Variants in CAMK1D observed in about 807,000 individuals in gnomAD.
CAMK1D encodes the protein calcium/calmodulin-dependent protein kinase type 1D.
In CAMK1D, 9 loss-of-function variants were observed where a neutral mutation model predicts 47.7. The observed-to-expected ratio is 0.19, with a 90% CI of 0.11 to 0.33. The LOEUF (loss-of-function observed/expected upper bound fraction) is 0.33. Among genes scored for constraint, CAMK1D ranks in the 10% least tolerant of loss-of-function variants. The pLI, the probability that CAMK1D is intolerant of heterozygous loss-of-function variation, is 1.00. For synonymous variants in CAMK1D, 184 were observed against 184.9 expected, an observed-to-expected ratio of 0.99 and a Z score of 0.04; for missense variants, 291 against 488.7, an observed-to-expected ratio of 0.60 and a Z score of 3.81.
intron 1 of CAMK1D, among the ~76,000 whole-genome samples, chr10:12,350,959 A>T (rs542498278): frequency 1.3e-5 from 2 of 152,194 alleles, no homozygotes; most frequent in South Asian, 2.1e-4. Flanking sequence ...TCATGGGATA[A>T]ATCAGTGCGT....
At chr10:12,673,219 CT>C (rs1235100484) in intron 3 of CAMK1D, among the ~76,000 whole-genome samples, 2 of 130,230 alleles carry the variant, frequency 1.5e-5, no homozygotes, top group Non-Finnish European at 3.5e-5. Context: ...TTTGTTTGAG[CT>C]TACGTTGAAT....
At chr10:12,376,298 C>G (rs1331713073) in intron 1 of CAMK1D, among the ~76,000 whole-genome samples, 1 of 151,702 alleles carries the variant, frequency 6.6e-6, no homozygotes, top group Admixed American at 6.6e-5. Context: ...GGCTTAAGTA[C>G]TGTTTGACAG....
chr10:12,531,436 C>T (rs183355517), intron 1 of CAMK1D, among the ~76,000 whole-genome samples: 143 of 152,268 alleles, frequency 9.4e-4, no homozygotes, highest in African/African-American at 3.4e-3. Flanking sequence ...AGTGCCTGGA[C>T]CTTACTGTGT....
rs761430929 is a variant in CAMK1D, at chr10:12,830,957, ACACACAC to A, written c.*2071_*2077del. 8.7e-5 allele frequency: 13 copies of A among 148,866 alleles called. No individual in the cohort carries two copies. Among genetic ancestry groups the A allele is most frequent in the South Asian group, 2.1e-4 (1 of 4,790 alleles). 9.2% of individuals were successfully genotyped at this position (148,866 alleles called of 1,614,324 possible). A position where few individuals can be genotyped will look rare whatever the true frequency, so the allele number is the denominator to read the frequency against. Reference sequence around the variant, plus strand: ...CACACACACACACACACACACACACACACACACAATGTTATTAGGCACAGCAGCTCCA... The same window carrying A: ...CACACACACACACACACACACACACAAATGTTATTAGGCACAGCAGCTCCA... On this transcript the variant is annotated 3_prime_UTR_variant, in exon 11 of 11. Transcript: ENST00000619168.
intron 1 of CAMK1D, among the ~76,000 whole-genome samples, chr10:12,521,319 G>C (rs547887096): frequency 1.3e-5 from 2 of 152,182 alleles, no homozygotes; most frequent in Admixed American, 1.3e-4. Flanking sequence ...TTTTATTTCA[G>C]TTAATTCAAG....
chr10:12,643,133 CT>C (rs1839712372), intron 2 of CAMK1D, among the ~76,000 whole-genome samples: 1 of 152,084 alleles, frequency 6.6e-6, no homozygotes, highest in Non-Finnish European at 1.5e-5. Context: ...GCCTGAGTAG[CT>C]GGAATTACAG....
rs865837539 is a variant in CAMK1D at position 12,628,097 on chromosome 10, C to A, written c.225-38639C>A. Among the ~76,000 whole-genome samples the A allele has an allele frequency of 4.1e-3, 598 of 144,284 alleles. 1 individual carries two copies. The highest frequency in any genetic ancestry group is 0.025 in the Middle Eastern group (7 of 276). The allele number at this position is 144,284 out of a possible 152,430, so 94.7% of individuals were successfully genotyped here. The stretch of plus-strand genomic sequence containing the variant: ...CTCTGTCTCAAAAAAAAACAAAAAA[C>A]AAAAAACAAAACAAAACTGAGTTTT... On this transcript the variant is annotated intron_variant, in intron 2 of 10. Coordinates refer to ENST00000619168, the MANE Select transcript of CAMK1D (RefSeq NM_153498.4).
intron 6 of CAMK1D, among the ~76,000 whole-genome samples, chr10:12,810,381 T>G (rs562479075): frequency 3.3e-5 from 5 of 151,184 alleles, no homozygotes; most frequent in Admixed American, 2.0e-4. Flanking sequence ...TTCAAGCAAT[T>G]CTCCTGCCTA....
chr10:12,387,063 G>T (rs1838518351), intron 1 of CAMK1D, among the ~76,000 whole-genome samples: 1 of 151,454 alleles, frequency 6.6e-6, no homozygotes, highest in South Asian at 2.1e-4. Context: ...AATTAGCCAG[G>T]TGTGATGGCG....
intron 1 of CAMK1D, among the ~76,000 whole-genome samples, chr10:12,416,589 G>A (rs1839857248): frequency 6.6e-6 from 1 of 152,202 alleles, no homozygotes. Context: ...TCCCACAGTT[G>A]TGCCCTGGGG....
chr10:12,500,976 G>A (rs11257833), intron 1 of CAMK1D, among the ~76,000 whole-genome samples: 9,019 of 152,210 alleles, frequency 0.059, 642 homozygotes, highest in African/African-American at 0.17. Context: ...TACAGATGAG[G>A]AAAGTGAAGC....
intron 1 of CAMK1D, among the ~76,000 whole-genome samples, chr10:12,499,025 C>G (rs1700939361): frequency 6.6e-6 from 1 of 150,940 alleles, no homozygotes; most frequent in Non-Finnish European, 1.5e-5. Flanking sequence ...ATGCCTTCCC[C>G]TGGGTCATAC....
intron 6 of CAMK1D, among the ~76,000 whole-genome samples, chr10:12,808,496 G>T (rs1010856565): frequency 2.0e-5 from 3 of 152,228 alleles, no homozygotes; most frequent in Non-Finnish European, 4.4e-5. Context: ...GATTAAAAAT[G>T]AAGACAGCGG....
At position 12,592,035 on chromosome 10, in the gene CAMK1D, T is replaced by G. The variant is rs192325418; in HGVS notation, c.224+38679T>G. On this transcript the variant is annotated intron_variant, in intron 2 of 10. Transcript: ENST00000619168. ...TTTCCTTAAAAAAGCCAATTTGTCT[T>G]TTCTTATTTCAAAAGGAAATATGAA... Among the ~76,000 whole-genome samples, 95 of 149,324 alleles carry G rather than the reference T, an allele frequency of 6.4e-4. 1 individual carries two copies. The East Asian group carries it at 0.016, about 25-fold the overall frequency.
chr10:12,384,208 A>G (rs1332215661), intron 1 of CAMK1D, among the ~76,000 whole-genome samples: 1 of 152,230 alleles, frequency 6.6e-6, no homozygotes, highest in African/African-American at 2.4e-5. Context: ...ATTAATGAAG[A>G]CTTAAATAAA....
intron 3 of CAMK1D, among the ~76,000 whole-genome samples, chr10:12,733,810 G>T (rs1835007875): frequency 6.6e-6 from 1 of 152,144 alleles, no homozygotes; most frequent in Non-Finnish European, 1.5e-5. Flanking sequence ...CCAAAGAATT[G>T]AAAATGTTCA....
chr10:12,698,999 G>A (rs1833406485), intron 3 of CAMK1D, among the ~76,000 whole-genome samples: 3 of 151,880 alleles, frequency 2.0e-5, no homozygotes, highest in Non-Finnish European at 2.9e-5. Context: ...AGATAAGGAA[G>A]TAAAAAGAAA....
intron 1 of CAMK1D, among the ~76,000 whole-genome samples, chr10:12,457,115 G>C (rs1306580590): frequency 6.6e-6 from 1 of 152,168 alleles, no homozygotes; most frequent in Non-Finnish European, 1.5e-5. Flanking sequence ...TTCTGTCCAG[G>C]CATGGTGGCT....
chr10:12,458,725 G>T (rs973149036), intron 1 of CAMK1D, among the ~76,000 whole-genome samples: 1 of 152,074 alleles, frequency 6.6e-6, no homozygotes, highest in East Asian at 1.9e-4. Flanking sequence ...GAGTCACTGC[G>T]CCTGGCCCTT....
Sources: allele counts gnomAD v4.1 joint callset (sites outside exome capture counted in the v4.1 genomes callset), GRCh38; gene constraint gnomAD v4.1.1; transcripts MANE v1.5; gene names NCBI Gene and HGNC (gene_info 2026-07-23, HGNC 2026-07-21).